ST3GAL3: variants seen among roughly 807,000 people sequenced by gnomAD.
ST3GAL3 encodes the protein ST3 beta-galactoside alpha-2,3-sialyltransferase 3.
Under a neutral mutation model 50.1 loss-of-function variants are expected in ST3GAL3, and 21 were observed. That is an observed-to-expected ratio of 0.42 (90% confidence interval 0.30 to 0.60). The LOEUF is 0.60. ST3GAL3 is among the 20% of genes least tolerant of loss of function. ST3GAL3 has a pLI of 0.19. For synonymous variants in ST3GAL3, 183 were observed against 190.0 expected, an observed-to-expected ratio of 0.96 and a Z score of 0.30; for missense variants, 353 against 489.4, an observed-to-expected ratio of 0.72 and a Z score of 2.63.
Position 43,920,252 on chromosome 1 carries a change from A to G in ST3GAL3, c.745-152A>G, listed in dbSNP as rs2082792418. 7 of 859,064 alleles carry G rather than the reference A, an allele frequency of 8.1e-6. 1 individual carries two copies. The allele number at this position is 859,064 out of a possible 1,614,324, so 53.2% of individuals were successfully genotyped here. A position where few individuals can be genotyped will look rare whatever the true frequency, so the allele number is the denominator to read the frequency against. On this transcript the variant is annotated intron_variant, in intron 9 of 11. Coordinates refer to ENST00000347631, the MANE Select transcript of ST3GAL3 (RefSeq NM_006279.5). ...CCTGTCACACACTCCATTTCCCCAAACACAGATGGGCTTCCTACACCACAG... is the reference window on the plus strand; with the variant it reads ...CCTGTCACACACTCCATTTCCCCAAGCACAGATGGGCTTCCTACACCACAG...
intron 5 of ST3GAL3, among the ~76,000 whole-genome samples, chr1:43,866,867 C>T (rs1452690281): frequency 1.3e-5 from 2 of 152,204 alleles, no homozygotes; most frequent in African/African-American, 4.8e-5. Context: ...TGCAGTGGCT[C>T]ATGCCTGTAA....
At chr1:43,782,297 C>A (rs1464004667) in intron 2 of ST3GAL3, among the ~76,000 whole-genome samples, 3 of 152,168 alleles carry the variant, frequency 2.0e-5, no homozygotes, top group East Asian at 3.9e-4. Flanking sequence ...TTTCATCCGG[C>A]CCCCAACAGC....
At chr1:43,811,257 C>A (rs2060523170) in intron 3 of ST3GAL3, among the ~76,000 whole-genome samples, 2 of 152,144 alleles carry the variant, frequency 1.3e-5, no homozygotes. Flanking sequence ...TTTCCTCTTC[C>A]CTCCTCTCCC....
intron 2 of ST3GAL3, among the ~76,000 whole-genome samples, chr1:43,762,082 A>T (rs142094257): frequency 0.011 from 1,689 of 151,690 alleles, 17 homozygotes; most frequent in Middle Eastern, 0.021. Context: ...ACTGGGGAAC[A>T]TAGTGAGACC....
At chr1:43,873,890 G>A (rs554629994) in intron 5 of ST3GAL3, among the ~76,000 whole-genome samples, 1 of 152,262 alleles carries the variant, frequency 6.6e-6, no homozygotes, top group Non-Finnish European at 1.5e-5. Context: ...TATGAAAATG[G>A]ATGAGATCAC....
At position 43,792,088 on chromosome 1, in the gene ST3GAL3, C is replaced by T. The variant is rs763497719; in HGVS notation, c.119-14C>T. Reference sequence around the variant, plus strand: ...AGAAGGAGAAAGAAATGAACTTGTCCTCTTGTGTTGCAGATTCAGTGGTTC... The same window carrying T: ...AGAAGGAGAAAGAAATGAACTTGTCTTCTTGTGTTGCAGATTCAGTGGTTC... On this transcript the variant is annotated splice_polypyrimidine_tract_variant and intron_variant, in intron 2 of 11. Coordinates refer to ENST00000347631, the MANE Select transcript of ST3GAL3 (RefSeq NM_006279.5). 2 of 1,614,130 alleles carry T rather than the reference C, an allele frequency of 1.2e-6. No homozygotes were observed. The highest frequency in any genetic ancestry group is 8.5e-7 in the Non-Finnish European group (1 of 1,180,004).
chr1:43,711,843 A>G (rs1664929613), intron 1 of ST3GAL3, among the ~76,000 whole-genome samples: 1 of 152,254 alleles, frequency 6.6e-6, no homozygotes, highest in Non-Finnish European at 1.5e-5. Flanking sequence ...TATTCAGGGT[A>G]TTCAATTTAT....
At chr1:43,890,256 G>A (rs2076516369) in intron 5 of ST3GAL3, among the ~76,000 whole-genome samples, 2 of 152,096 alleles carry the variant, frequency 1.3e-5, no homozygotes, top group South Asian at 4.1e-4. Context: ...TAATTTCCGG[G>A]AATTTTCAAA....
chr1:43,888,103 A>G (rs1358597968), intron 5 of ST3GAL3, among the ~76,000 whole-genome samples: 1 of 152,234 alleles, frequency 6.6e-6, no homozygotes, highest in Non-Finnish European at 1.5e-5. Context: ...AAGAAAAGCC[A>G]CAGGATAGTC....
intron 2 of ST3GAL3, among the ~76,000 whole-genome samples, chr1:43,745,632 TTTGA>T (rs1490648136): frequency 6.6e-6 from 1 of 152,190 alleles, no homozygotes. Context: ...TTTAGATATG[TTTGA>T]TTGATTGATT....
rs1382663266 is a variant in ST3GAL3, at chr1:43,757,256, C to T, written c.118+20876C>T. Among the ~76,000 whole-genome samples, 3 of 152,058 alleles carry T rather than the reference C, an allele frequency of 2.0e-5. No homozygotes were observed. In the East Asian group the frequency reaches 5.8e-4, roughly 29 times the overall value. On this transcript the variant is annotated intron_variant, in intron 2 of 11. Coordinates refer to ENST00000347631, the MANE Select transcript of ST3GAL3 (RefSeq NM_006279.5). ...TTCTCTCAATCAAAATCCCAGAAGG[C>T]TTGGGTTTTTTTGTCTTTAAAAAAT...
intron 2 of ST3GAL3, chr1:43,743,387 G>T (rs1024883453): frequency 1.9e-5 from 5 of 268,816 alleles, no homozygotes; most frequent in Non-Finnish European, 2.9e-5. Flanking sequence ...TGTGGACATG[G>T]TGCCTCTTTA....
intron 3 of ST3GAL3, among the ~76,000 whole-genome samples, chr1:43,804,740 T>C (rs1013066311): frequency 1.5e-4 from 23 of 152,118 alleles, no homozygotes; most frequent in Admixed American, 1.4e-3. Flanking sequence ...CAGGTGACAG[T>C]GATGTAATCA....
chr1:43,887,778 G>A (rs1054494789), intron 5 of ST3GAL3, among the ~76,000 whole-genome samples: 2 of 152,236 alleles, frequency 1.3e-5, no homozygotes, highest in Admixed American at 1.3e-4. Context: ...TGATGGAGGT[G>A]AGGATGATGT....
In ST3GAL3 at chr1:43,836,009, T is replaced by G. The variant is rs74073315; in HGVS notation, c.210-2210T>G. Among the ~76,000 whole-genome samples the G allele has an allele frequency of 7.2e-3, 1,091 of 152,324 alleles. 17 individuals are homozygous for G. The highest frequency in any genetic ancestry group is 0.025 in the African/African-American group (1,032 of 41,568). On this transcript the variant is annotated intron_variant, in intron 4 of 11. Transcript: ENST00000347631. ...AGTGCCCTGTTAAGAGTTCCTCCAC[T>G]GGTGTTAGAGACCTTGGGTTCTAAT...
chr1:43,709,412 AG>A (rs1201953666), intron 1 of ST3GAL3: 1 of 151,676 alleles, frequency 6.6e-6, no homozygotes, highest in Non-Finnish European at 1.5e-5. Context: ...TTTTTGAGAC[AG>A]GGTCTCCCTC....
chr1:43,901,197 G>C (rs1474436662), intron 9 of ST3GAL3, among the ~76,000 whole-genome samples: 1 of 152,262 alleles, frequency 6.6e-6, no homozygotes, highest in Non-Finnish European at 1.5e-5. Context: ...AAGGGCTGCT[G>C]TCTCACTCTG....
At chr1:43,709,963 AAC>A (rs1247799227) in intron 1 of ST3GAL3, among the ~76,000 whole-genome samples, 2 of 151,950 alleles carry the variant, frequency 1.3e-5, no homozygotes, top group Non-Finnish European at 2.9e-5. Context: ...TACTTGGAAT[AAC>A]AGTTCTCTCA....
chr1:43,892,612 CTT>C (rs1383270662), intron 5 of ST3GAL3, among the ~76,000 whole-genome samples: 1 of 151,966 alleles, frequency 6.6e-6, no homozygotes, highest in Non-Finnish European at 1.5e-5. Flanking sequence ...AAAAGTAAAA[CTT>C]ACTGAACTTT....
Sources: allele counts gnomAD v4.1 joint callset (sites outside exome capture counted in the v4.1 genomes callset), GRCh38; gene constraint gnomAD v4.1.1; transcripts MANE v1.5; gene names NCBI Gene and HGNC (gene_info 2026-07-23, HGNC 2026-07-21).